The following SLC4A10 variants were observed in gnomAD, a reference collection of about 807,000 sequenced individuals.
The protein encoded by SLC4A10 is solute carrier family 4 member 10.
A neutral mutation model predicts 137.7 loss-of-function variants in SLC4A10; 42 were observed. The observed-to-expected ratio is 0.30, with a 90% confidence interval of 0.24 to 0.39. The LOEUF is 0.39. SLC4A10 is among the 10% of genes least tolerant of loss of function. The pLI, the probability that SLC4A10 is intolerant of heterozygous loss-of-function variation, is 1.00. For missense variants in SLC4A10, 925 were observed against 1,355.0 expected (o/e 0.68, Z 4.98); for synonymous variants, 474 against 464.1 (o/e 1.02, Z -0.27).
intron 11 of SLC4A10, among the ~76,000 whole-genome samples, chr2:161,898,822 C>A (rs1002084773): frequency 6.6e-6 from 1 of 152,062 alleles, no homozygotes; most frequent in Admixed American, 6.6e-5. Context: ...AACATGTAAC[C>A]ACACTAACTG....
At chr2:161,795,963 G>C (rs1379454075) in intron 2 of SLC4A10, among the ~76,000 whole-genome samples, 2 of 151,826 alleles carry the variant, frequency 1.3e-5, no homozygotes, top group African/African-American at 4.8e-5. Flanking sequence ...CCTTTATGCA[G>C]GTTCTTATAC....
intron 15 of SLC4A10, 130 bp downstream of exon 15, chr2:161,906,017 C>T: frequency 8.4e-7 from 1 of 1,193,124 alleles, no homozygotes; most frequent in Non-Finnish European, 1.1e-6. Context: ...AATCCTGACT[C>T]TCAGAGTCGA....
rs149497625 is a variant in SLC4A10, at chr2:161,719,177, G to A, written c.49-51796G>A. ...TGTTTGGTTTTCTCTCCTTGTGATA[G>A]GTTGCTGAGAATGATGGTTTCCAGC... On this transcript the variant is annotated intron_variant, in intron 1 of 26. Transcript: ENST00000446997. Among the ~76,000 whole-genome samples, 1,045 of 152,074 alleles carry A rather than the reference G, an allele frequency of 6.9e-3. 20 individuals are homozygous for A. The highest frequency in any genetic ancestry group is 0.025 in the African/African-American group (1,017 of 41,456).
intron 15 of SLC4A10, among the ~76,000 whole-genome samples, chr2:161,919,544 T>A (rs186130595): frequency 6.6e-6 from 1 of 152,096 alleles, no homozygotes; most frequent in Non-Finnish European, 1.5e-5. Context: ...GCAGCTACCC[T>A]CACTGGTCTC....
intron 23 of SLC4A10, among the ~76,000 whole-genome samples, chr2:161,973,739 A>C (rs965155636): frequency 6.6e-6 from 1 of 152,156 alleles, no homozygotes; most frequent in African/African-American, 2.4e-5. Flanking sequence ...TTAGAACTGG[A>C]AATTCTTATG....
intron 11 of SLC4A10, 49 bp from the exon 12 acceptor site, chr2:161,900,862 A>G (rs1682940826): frequency 7.9e-7 from 1 of 1,270,812 alleles, no homozygotes; most frequent in African/African-American, 1.5e-5. Flanking sequence ...TACAATTAAC[A>G]CCTGAAATTA....
chr2:161,746,686 C>G (rs1037558179), intron 1 of SLC4A10, among the ~76,000 whole-genome samples: 1 of 152,092 alleles, frequency 6.6e-6, no homozygotes, highest in Non-Finnish European at 1.5e-5. Context: ...TGGGAATGTG[C>G]TGGGTTACAC....
At chr2:161,821,589 T>C (rs888003408) in intron 3 of SLC4A10, among the ~76,000 whole-genome samples, 3 of 152,276 alleles carry the variant, frequency 2.0e-5, no homozygotes, top group Admixed American at 1.3e-4. Context: ...GCCATTGCAC[T>C]CCAGACTGTG....
At chr2:161,652,890 T>A (rs1167042525) in intron 1 of SLC4A10, among the ~76,000 whole-genome samples, 1 of 152,178 alleles carries the variant, frequency 6.6e-6, no homozygotes, top group East Asian at 1.9e-4. Context: ...CCAGGATACA[T>A]GTGCATAACG....
At chr2:161,963,445 A>C (rs1697069276) in intron 21 of SLC4A10, among the ~76,000 whole-genome samples, 1 of 152,186 alleles carries the variant, frequency 6.6e-6, no homozygotes, top group Non-Finnish European at 1.5e-5. Context: ...AATTAAATAG[A>C]GTTAACAAAA....
intron 6 of SLC4A10, among the ~76,000 whole-genome samples, chr2:161,864,510 T>C (rs10153535): frequency 6.6e-6 from 1 of 152,314 alleles, no homozygotes; most frequent in Non-Finnish European, 1.5e-5. Context: ...TGTCTCAGAA[T>C]GTAGAACCAG....
intron 1 of SLC4A10, among the ~76,000 whole-genome samples, chr2:161,654,820 G>T (rs1178445936): frequency 6.6e-6 from 1 of 152,006 alleles, no homozygotes; most frequent in African/African-American, 2.4e-5. Flanking sequence ...GGTGCCTCCA[G>T]TTTTGCTCTT....
intron 3 of SLC4A10, among the ~76,000 whole-genome samples, chr2:161,816,524 A>T (rs971913016): frequency 6.6e-6 from 1 of 152,064 alleles, no homozygotes; most frequent in Non-Finnish European, 1.5e-5. Flanking sequence ...ACATGTGGAC[A>T]ACGTGCAGGT....
intron 1 of SLC4A10, among the ~76,000 whole-genome samples, chr2:161,676,639 A>G (rs946254703): frequency 1.3e-5 from 2 of 152,186 alleles, no homozygotes; most frequent in African/African-American, 4.8e-5. Context: ...TAATTATTAC[A>G]AAATGGAATG....
At chr2:161,653,861 G>A (rs538720260) in intron 1 of SLC4A10, among the ~76,000 whole-genome samples, 1 of 152,262 alleles carries the variant, frequency 6.6e-6, no homozygotes, top group East Asian at 1.9e-4. Flanking sequence ...GGGAATGCAG[G>A]CATGTAGATA....
chr2:161,900,905 C>T lies in SLC4A10; in HGVS notation c.1342-6C>T, dbSNP rs1682951763. 4 of 1,532,164 alleles carry T rather than the reference C, an allele frequency of 2.6e-6. No homozygotes were observed. The South Asian group carries it at 5.0e-5, about 19-fold the overall frequency. The allele number at this position is 1,532,164 out of a possible 1,614,324, so 94.9% of individuals were successfully genotyped here. Reference sequence around the variant, plus strand: ...ACAAAACACATGAACAAAAAACTCTCCACAGGAGAAGAGGAAGATTCCTGC... The same window carrying T: ...ACAAAACACATGAACAAAAAACTCTTCACAGGAGAAGAGGAAGATTCCTGC... On this transcript the variant is annotated splice_polypyrimidine_tract_variant and splice_region_variant and intron_variant, in intron 11 of 26. Transcript: ENST00000446997.
chr2:161,860,750 C>T (rs1196227473), intron 5 of SLC4A10, among the ~76,000 whole-genome samples: 1 of 152,018 alleles, frequency 6.6e-6, no homozygotes, highest in East Asian at 1.9e-4. Flanking sequence ...TCAAACATTC[C>T]AGGTATATAA....
chr2:161,762,137 G>T (rs1377956887), intron 1 of SLC4A10, among the ~76,000 whole-genome samples: 1 of 152,076 alleles, frequency 6.6e-6, no homozygotes, highest in African/African-American at 2.4e-5. Flanking sequence ...TGTAAGGAAA[G>T]AGAGAGTGAT....
chr2:161,787,050 A>G (rs1218210706), intron 2 of SLC4A10, among the ~76,000 whole-genome samples: 1 of 152,018 alleles, frequency 6.6e-6, no homozygotes, highest in Non-Finnish European at 1.5e-5. Flanking sequence ...TTTTATGACA[A>G]AGAGTATTGT....
Sources: gnomAD v4.1 joint callset for allele counts (sites outside exome capture counted in the v4.1 genomes callset) on GRCh38, gnomAD v4.1.1 for gene constraint, MANE v1.5 for transcripts, NCBI Gene and HGNC (gene_info 2026-07-23, HGNC 2026-07-21) for gene names.